Variants in C14orf132 observed in about 807,000 individuals in gnomAD.
C14orf132 encodes the protein chromosome 14 open reading frame 132.
A neutral mutation model predicts 5.8 loss-of-function variants in C14orf132; 6 were observed. That is an observed-to-expected ratio of 1.03 (90% CI 0.57 to 2.04). The LOEUF is 2.04. Among genes scored for constraint, C14orf132 ranks in the 30% most tolerant of loss-of-function variants. The pLI is 0.00. For missense variants in C14orf132, 125 were observed against 115.8 expected (o/e 1.08, Z -0.37); for synonymous variants, 51 against 49.8 (o/e 1.02, Z -0.10).
chr14:96,054,809 G>A (rs1050864871), intron 1 of C14orf132, among the ~76,000 whole-genome samples: 1 of 152,130 alleles, frequency 6.6e-6, no homozygotes, highest in African/African-American at 2.4e-5. Context: ...TTCAGAACAG[G>A]ACATAATAAT....
At chr14:96,065,637 G>C in intron 1 of C14orf132, among the ~76,000 whole-genome samples, 1 of 150,256 alleles carries the variant, frequency 6.7e-6, no homozygotes, top group Non-Finnish European at 1.5e-5. Flanking sequence ...GGTACCTCTG[G>C]CTTCTAGCCT....
chr14:96,083,681 C>T (rs1888095294), intron 1 of C14orf132, among the ~76,000 whole-genome samples: 2 of 152,346 alleles, frequency 1.3e-5, no homozygotes, highest in East Asian at 1.9e-4. Flanking sequence ...CAGATTGTCC[C>T]CTAGAGCCTC....
At chr14:96,065,462 C>T (rs1490470994) in intron 1 of C14orf132, among the ~76,000 whole-genome samples, 1 of 151,994 alleles carries the variant, frequency 6.6e-6, no homozygotes, top group Non-Finnish European at 1.5e-5. Context: ...CTTGCCGTTG[C>T]CCCGGCCGCC....
rs1446084682 is a variant in C14orf132 at position 96,092,296 on chromosome 14, C to T, written c.*5561C>T. 1 of 152,204 alleles carries T rather than the reference C, an allele frequency of 6.6e-6. No individual in the cohort carries two copies. The highest frequency in any genetic ancestry group is 1.5e-5 in the Non-Finnish European group (1 of 68,050). 9.4% of individuals were successfully genotyped at this position (152,204 alleles called of 1,614,324 possible). A position where few individuals can be genotyped will look rare whatever the true frequency, so the allele number is the denominator to read the frequency against. On this transcript the variant is annotated 3_prime_UTR_variant, in exon 2 of 2. Transcript: ENST00000555004. ...TCGCGCCTGCCCGGATGGCTCCATC[C>T]AGACATTTGGCAAGGCTGTCATCTG...
chr14:96,059,080 A>G (rs1016543396), intron 1 of C14orf132, among the ~76,000 whole-genome samples: 1 of 152,210 alleles, frequency 6.6e-6, no homozygotes, highest in East Asian at 1.9e-4. Flanking sequence ...TGTGCAACAT[A>G]GTGAGACTCT....
chr14:96,081,322 T>C (rs190947608), intron 1 of C14orf132, among the ~76,000 whole-genome samples: 137 of 152,344 alleles, frequency 9.0e-4, no homozygotes, highest in African/African-American at 3.1e-3. Flanking sequence ...CGGCTGTCTT[T>C]ATTATTTCCT....
At chr14:96,047,750 A>G (rs77474003) in intron 1 of C14orf132, among the ~76,000 whole-genome samples, 1,856 of 152,294 alleles carry the variant, frequency 0.012, 26 homozygotes, top group Admixed American at 0.036. Context: ...AGATGTTTTA[A>G]GTTCACAGAA....
chr14:96,086,875 C>G lies in C14orf132; in HGVS notation c.*140C>G. The G allele has an allele frequency of 1.2e-6, 1 of 812,262 alleles. No individual in the cohort carries two copies. The highest frequency in any genetic ancestry group is 2.6e-5 in the Admixed American group (1 of 37,832). 50.3% of individuals were successfully genotyped at this position (812,262 alleles called of 1,614,324 possible). ...CCGTCCTTCTGGAATTTCTCCCCAGCAGCCCTGATTTCAAATATCCCATGT... is the reference window on the plus strand; with the variant it reads ...CCGTCCTTCTGGAATTTCTCCCCAGGAGCCCTGATTTCAAATATCCCATGT... On this transcript the variant is annotated 3_prime_UTR_variant, in exon 2 of 2. Transcript: ENST00000555004.
intron 1 of C14orf132, among the ~76,000 whole-genome samples, chr14:96,082,547 CAGAT>C (rs1888057935): frequency 6.6e-6 from 1 of 152,176 alleles, no homozygotes; most frequent in Non-Finnish European, 1.5e-5. Flanking sequence ...AAACCTGAGA[CAGAT>C]GGATGGAGCA....
In C14orf132 at chr14:96,086,710, G is replaced by A; in HGVS notation, c.227G>A (p.Gly76Asp). The change falls in exon 2 of 2, where the codon GGC (glycine) becomes GAC (aspartate). Residue 76 changes from glycine to aspartate, a missense_variant. Gly to Asp is a moderately conservative substitution (Grantham distance 94). Transcript: ENST00000555004. ...ACGCTGGGGAACATCGTGGTGGTGG[G>A]CGTGGTGTATGCCTTCACCTTCTGA... ...IATLGNIVVV[G>D]VVYAFTF 10 of 1,536,174 alleles carry A rather than the reference G, an allele frequency of 6.5e-6. No homozygotes were observed. The highest frequency in any genetic ancestry group is 8.7e-6 in the Non-Finnish European group (10 of 1,146,912).
intron 1 of C14orf132, among the ~76,000 whole-genome samples, chr14:96,042,889 G>C (rs189827974): frequency 2.0e-5 from 3 of 152,228 alleles, no homozygotes; most frequent in African/African-American, 4.8e-5. Flanking sequence ...AGTGAAAAAG[G>C]CCATTCATTT....
chr14:96,055,086 T>G (rs1338028045), intron 1 of C14orf132, among the ~76,000 whole-genome samples: 1 of 152,248 alleles, frequency 6.6e-6, no homozygotes, highest in Admixed American at 6.5e-5. Flanking sequence ...ATTTCAAAGA[T>G]GCAGACAGAA....
chr14:96,041,838 A>C (rs1334680157), intron 1 of C14orf132, among the ~76,000 whole-genome samples: 1 of 152,232 alleles, frequency 6.6e-6, no homozygotes, highest in African/African-American at 2.4e-5. Context: ...ATCCTGTGGG[A>C]CAAACTTGAA....
chr14:96,061,365 T>C (rs910814271), intron 1 of C14orf132, among the ~76,000 whole-genome samples: 1 of 152,190 alleles, frequency 6.6e-6, no homozygotes, highest in Non-Finnish European at 1.5e-5. Flanking sequence ...CTGGGGTTGG[T>C]GTTATCTACT....
At chr14:96,071,437 T>G (rs1271392206) in intron 1 of C14orf132, among the ~76,000 whole-genome samples, 1 of 152,194 alleles carries the variant, frequency 6.6e-6, no homozygotes, top group Non-Finnish European at 1.5e-5. Context: ...CCTTCAAGCC[T>G]TCATCACCAG....
chr14:96,062,991 C>G (rs1887408841), intron 1 of C14orf132, among the ~76,000 whole-genome samples: 1 of 152,204 alleles, frequency 6.6e-6, no homozygotes, highest in Non-Finnish European at 1.5e-5. Flanking sequence ...CACAGACCCT[C>G]TCTGCCCAGA....
chr14:96,070,575 G>A (rs1887675041), intron 1 of C14orf132, among the ~76,000 whole-genome samples: 1 of 146,384 alleles, frequency 6.8e-6, no homozygotes. Flanking sequence ...TGCCAGGGTA[G>A]ATGAAGTCTC....
At chr14:96,056,763 A>C in intron 1 of C14orf132, among the ~76,000 whole-genome samples, 1 of 151,276 alleles carries the variant, frequency 6.6e-6, no homozygotes, top group South Asian at 2.1e-4. Context: ...AGATGGAAAA[A>C]CTCCTGGAGT....
chr14:96,050,706 C>T (rs1342957312), intron 1 of C14orf132, among the ~76,000 whole-genome samples: 1 of 152,008 alleles, frequency 6.6e-6, no homozygotes, highest in Non-Finnish European at 1.5e-5. Flanking sequence ...GAGTTTACTG[C>T]TCCATGGCCT....
Sources: allele counts gnomAD v4.1 joint callset (sites outside exome capture counted in the v4.1 genomes callset), GRCh38; gene constraint gnomAD v4.1.1; transcripts MANE v1.5; gene names NCBI Gene and HGNC (gene_info 2026-07-23, HGNC 2026-07-21).